The following ZDHHC11 variants were observed in gnomAD, a reference collection of about 807,000 sequenced individuals.
ZDHHC11 encodes the protein palmitoyltransferase ZDHHC11.
A neutral mutation model predicts 51.3 loss-of-function variants in ZDHHC11; 44 were observed. That is an observed-to-expected ratio of 0.86 (90% CI 0.67 to 1.10). The LOEUF (loss-of-function observed/expected upper bound fraction) is 1.10, where lower values mean the gene tolerates loss of function less well. Ranked by LOEUF, ZDHHC11 falls within the 50% of genes least tolerant of loss-of-function variation. ZDHHC11 has a pLI of 0.00. For synonymous variants in ZDHHC11, 163 were observed against 222.0 expected (o/e 0.73, Z 2.36); for missense variants, 400 against 537.7 (o/e 0.74, Z 2.53).
chr5:856,503 CCACA>C (rs1330092901), intron 1 of ZDHHC11, among the ~76,000 whole-genome samples: 1 of 150,366 alleles, frequency 6.7e-6, no homozygotes, highest in Admixed American at 6.6e-5. Context: ...CACACACCAC[CCACA>C]CACCACACAA....
At chr5:822,018 C>T (rs1238895112) in intron 8 of ZDHHC11, 123 bp from the exon 9 acceptor site, 6 of 842,322 alleles carry the variant, frequency 7.1e-6, no homozygotes, top group Non-Finnish European at 1.1e-5. Context: ...ATCAAGGTTG[C>T]CTGGATCATG....
chr5:800,300 A>G (rs1738231395), intron 12 of ZDHHC11, among the ~76,000 whole-genome samples: 1 of 150,492 alleles, frequency 6.6e-6, no homozygotes, highest in African/African-American at 2.4e-5. Context: ...TTTCCTGTCC[A>G]GCTAGCTTTT....
chr5:808,477 C>A (rs529839296), intron 11 of ZDHHC11, among the ~76,000 whole-genome samples: 1 of 146,354 alleles, frequency 6.8e-6, no homozygotes, highest in East Asian at 2.0e-4. Context: ...GACTCCCTCA[C>A]TCAGTTCCCT....
At chr5:811,599 G>C (rs553279646) in intron 11 of ZDHHC11, among the ~76,000 whole-genome samples, 57 of 147,484 alleles carry the variant, frequency 3.9e-4, no homozygotes, top group African/African-American at 1.3e-3. Flanking sequence ...GCAGGAACTT[G>C]CATCCTCTGC....
intron 3 of ZDHHC11, among the ~76,000 whole-genome samples, chr5:845,862 C>T (rs1474806339): frequency 1.2e-4 from 18 of 149,564 alleles, no homozygotes; most frequent in East Asian, 3.9e-4. Context: ...CACACCCAGG[C>T]GGTGTCTACA....
upstream of ZDHHC11, among the ~76,000 whole-genome samples, chr5:853,861 C>T (rs1466327983): frequency 6.9e-6 from 1 of 144,158 alleles, no homozygotes; most frequent in South Asian, 2.2e-4. Context: ...GGACAGTGAG[C>T]AGCGGGGACA....
At chr5:840,099 G>T (rs1744539498) in intron 5 of ZDHHC11, 1 of 612,058 alleles carries the variant, frequency 1.6e-6, no homozygotes, top group Non-Finnish European at 2.9e-6. Context: ...ATATTTCATT[G>T]TTAGAATTTC....
At chr5:846,305 C>G (rs558948851) in intron 3 of ZDHHC11, among the ~76,000 whole-genome samples, 919 of 151,104 alleles carry the variant, frequency 6.1e-3, no homozygotes, top group Non-Finnish European at 9.0e-3. Context: ...CCCACTCCCA[C>G]GCACACCAAG....
intron 1 of ZDHHC11, among the ~76,000 whole-genome samples, chr5:858,815 G>C (rs892139000): frequency 1.3e-5 from 2 of 152,044 alleles, no homozygotes; most frequent in East Asian, 1.9e-4. Context: ...TCCTTCAGGA[G>C]TGCAGGGATT....
chr5:803,504 A>G lies in ZDHHC11; in HGVS notation c.1182-2340T>C, dbSNP rs1486190634. On this transcript the variant is annotated intron_variant, in intron 11 of 12. Transcript: ENST00000283441. ...TCCAGCCTTTAACAAGAGAAAATCC[A>G]CAGTCCCAGAGGAGGAGAAGCACTT... 2.0e-4 allele frequency among the ~76,000 whole-genome samples: 30 copies of G among 151,482 alleles called. 1 individual carries two copies. Among genetic ancestry groups the G allele is most frequent in the African/African-American group, 6.8e-4 (28 of 41,314 alleles).
Position 835,998 on chromosome 5 carries a change from T to A in ZDHHC11, c.900+1367A>T, listed in dbSNP as rs551516480. ...AACATACTTTTTAGGTTTCATTGTC[T>A]GCAAATAAACACAGTTTTATTTTGT... is the stretch of plus-strand genomic sequence containing the variant. On this transcript the variant is annotated intron_variant, in intron 6 of 12. Coordinates refer to ENST00000283441, the MANE Select transcript of ZDHHC11 (RefSeq NM_024786.3). 2.6e-5 allele frequency among the ~76,000 whole-genome samples: 4 copies of A among 151,860 alleles called. 1 individual carries two copies. Among genetic ancestry groups the A allele is most frequent in the Non-Finnish European group, 5.9e-5 (4 of 67,836 alleles).
intron 12 of ZDHHC11, among the ~76,000 whole-genome samples, chr5:797,688 T>C (rs1484842745): frequency 7.9e-5 from 12 of 151,770 alleles, no homozygotes; most frequent in African/African-American, 2.4e-4. Context: ...TTTCTGACTT[T>C]GTGTTTTCTT....
chr5:818,285 G>A lies in ZDHHC11; in HGVS notation c.1146+1240C>T, dbSNP rs550133338. Among the ~76,000 whole-genome samples, 160 of 151,756 alleles carry A rather than the reference G, an allele frequency of 1.1e-3. 2 individuals carry two copies. Among genetic ancestry groups the A allele is most frequent in the African/African-American group, 3.6e-3 (151 of 41,434 alleles). On this transcript the variant is annotated intron_variant, in intron 10 of 12. Coordinates refer to ENST00000283441, the MANE Select transcript of ZDHHC11 (RefSeq NM_024786.3). ...TGTGAGCCTGTGTGCCACATGGAGT[G>A]AGGGAACGTTGGTGGGTGAGTCTGG...
chr5:807,424 C>T (rs6871237), intron 11 of ZDHHC11, among the ~76,000 whole-genome samples: 32,721 of 148,748 alleles, frequency 0.22, 5,100 homozygotes, highest in African/African-American at 0.46. Flanking sequence ...TCTCAACAGA[C>T]AAAGATGATG....
At chr5:802,825 C>CAAAAAAAAAAAAAAAAAAAAAAA (rs70957306) in intron 11 of ZDHHC11, among the ~76,000 whole-genome samples, 1 of 19,116 alleles carries the variant, frequency 5.2e-5, no homozygotes, top group Non-Finnish European at 1.7e-4. Context: ...TACAAAAATA[C>CAAAAAAAAAAAAAAAAAAAAAAA]AAAAAAAAAA....
At chr5:827,487 A>G (rs1742439555) in intron 7 of ZDHHC11, among the ~76,000 whole-genome samples, 5 of 151,092 alleles carry the variant, frequency 3.3e-5, no homozygotes, top group Admixed American at 3.3e-4. Context: ...TTCAAGAGAC[A>G]CACCTAATGT....
chr5:810,517 C>T (rs1490805218), intron 11 of ZDHHC11, among the ~76,000 whole-genome samples: 1 of 151,168 alleles, frequency 6.6e-6, no homozygotes, highest in Admixed American at 6.6e-5. Flanking sequence ...CTCACAGGCT[C>T]TTAATGAATG....
At chr5:831,065 C>T (rs562562090) in intron 7 of ZDHHC11, among the ~76,000 whole-genome samples, 2 of 149,356 alleles carry the variant, frequency 1.3e-5, no homozygotes, top group African/African-American at 2.5e-5. Flanking sequence ...CGGCAAAGAG[C>T]TCATGACGAA....
rs756905191 is a variant in ZDHHC11, at chr5:814,776, C to G, written c.1166G>C (p.Ser389Thr). The G allele has an allele frequency of 3.9e-6, 6 of 1,550,538 alleles. No individual in the cohort carries two copies. Among genetic ancestry groups the G allele is most frequent in the Admixed American group, 2.0e-5 (1 of 50,492 alleles). ...ACGAACTTACCCAAGTGTAGATATA[C>G]TCGGGGCATCATCTGCTTCCTGTGG... ...SMAQEADDAP[S>T]ISTLGLQQET... The change falls in exon 11 of 13, where the codon AGT (serine) becomes ACT (threonine). Residue 389 changes from serine (S) to threonine (T), a missense_variant. By Grantham distance (58) the Ser-to-Thr change is moderately conservative. Around this residue, in one of 5 missense-constraint regions of ZDHHC11, gnomAD observed 231 missense variants for 227.4 expected, o/e 1.02. Transcript: ENST00000283441.
Sources: gnomAD v4.1 joint callset for allele counts (sites outside exome capture counted in the v4.1 genomes callset) on GRCh38, gnomAD v4.1.1 for gene constraint, gnomAD v4.1.1 regional missense constraint, MANE v1.5 for transcripts, NCBI Gene and HGNC (gene_info 2026-07-23, HGNC 2026-07-21) for gene names.